CPSF3: variants seen among roughly 807,000 people sequenced by gnomAD.
CPSF3 encodes cleavage and polyadenylation specific factor 3.
Under a neutral mutation model 84.1 loss-of-function variants are expected in CPSF3, and 57 were observed. The ratio of observed to expected loss-of-function variants is 0.68; its 90% CI spans 0.55 to 0.85. The LOEUF (loss-of-function observed/expected upper bound fraction) is 0.85. CPSF3 is among the 40% of genes least tolerant of loss of function. The pLI, the probability that CPSF3 is intolerant of heterozygous loss-of-function variation, is 0.00. For synonymous variants in CPSF3, 275 were observed against 278.1 expected (o/e 0.99, Z 0.11); for missense variants, 522 against 838.8 (o/e 0.62, Z 4.66).
chr2:9,467,612 T>C (rs1682020338), intron 15 of CPSF3, 95 bp from the exon 16 acceptor site: 2 of 858,082 alleles, frequency 2.3e-6, no homozygotes, highest in Admixed American at 2.4e-5. Flanking sequence ...TTATTCACTT[T>C]AACTTATCAG....
At chr2:9,437,611 T>C (rs1246713931) in intron 7 of CPSF3, among the ~76,000 whole-genome samples, 1 of 152,226 alleles carries the variant, frequency 6.6e-6, no homozygotes, top group African/African-American at 2.4e-5. Context: ...TGGTTGTTAC[T>C]TTTTAGCATA....
chr2:9,434,275 A>G (rs1225544680), intron 6 of CPSF3, among the ~76,000 whole-genome samples: 1 of 151,948 alleles, frequency 6.6e-6, no homozygotes, highest in African/African-American at 2.4e-5. Flanking sequence ...AGGCTGAGGC[A>G]CAAGAATCAC....
intron 8 of CPSF3, among the ~76,000 whole-genome samples, chr2:9,441,313 T>G (rs1680953727): frequency 6.6e-6 from 1 of 152,242 alleles, no homozygotes; most frequent in African/African-American, 2.4e-5. Context: ...CAGTTGTAAA[T>G]AGGCTTTGTT....
At chr2:9,459,074 T>C (rs1246372217) in intron 14 of CPSF3, among the ~76,000 whole-genome samples, 1 of 151,566 alleles carries the variant, frequency 6.6e-6, no homozygotes, top group Non-Finnish European at 1.5e-5. Flanking sequence ...ATCACGCCAT[T>C]GCACTCCAGC....
chr2:9,443,780 C>T, intron 10 of CPSF3, 119 bp downstream of exon 10: 2 of 1,067,474 alleles, frequency 1.9e-6, no homozygotes, highest in Non-Finnish European at 2.7e-6. Flanking sequence ...ACCCCCTGAG[C>T]AGAGCCTTTC....
intron 14 of CPSF3, 118 bp downstream of exon 14, chr2:9,457,145 ATATGTGTGTGTGTGTGTGTGTGTG>A: frequency 2.1e-6 from 1 of 475,234 alleles, no homozygotes; most frequent in Non-Finnish European, 3.7e-6. Context: ...GTTGGAAAGT[ATATGTGTGTGTGTGTGTGTGTGTG>A]TGTGTGTGTG....
intron 17 of CPSF3, among the ~76,000 whole-genome samples, 200 bp from the exon 18 acceptor site, chr2:9,472,716 C>T (rs1245030182): frequency 1.3e-5 from 2 of 152,066 alleles, no homozygotes; most frequent in Non-Finnish European, 2.9e-5. Flanking sequence ...TGCAGTGGTG[C>T]AGTCACAGCT....
intron 16 of CPSF3, among the ~76,000 whole-genome samples, chr2:9,470,310 C>G (rs924255318): frequency 6.6e-6 from 1 of 152,224 alleles, no homozygotes; most frequent in Non-Finnish European, 1.5e-5. Context: ...CAGTAACTGC[C>G]TGAAGATGCA....
intron 14 of CPSF3, among the ~76,000 whole-genome samples, chr2:9,457,702 G>T (rs1198825805): frequency 6.6e-6 from 1 of 152,012 alleles, no homozygotes; most frequent in African/African-American, 2.4e-5. Context: ...AGGTAGAATT[G>T]TATATAAATT....
chr2:9,448,129 TTC>T, intron 10 of CPSF3, 67 bp from the exon 11 acceptor site: 2 of 820,912 alleles, frequency 2.4e-6, no homozygotes, highest in Non-Finnish European at 3.6e-6. Flanking sequence ...ATATATTTAA[TTC>T]AACTTAAGGA....
At chr2:9,456,078 A>G (rs546869688) in intron 13 of CPSF3, among the ~76,000 whole-genome samples, 29 of 152,210 alleles carry the variant, frequency 1.9e-4, no homozygotes, top group Non-Finnish European at 3.4e-4. Flanking sequence ...TTTGAAATCT[A>G]TTTTCCTTGA....
chr2:9,465,544 C>CAA (rs1681872339), intron 15 of CPSF3, among the ~76,000 whole-genome samples: 1 of 115,760 alleles, frequency 8.6e-6, no homozygotes, highest in South Asian at 2.5e-4. Flanking sequence ...CCATATCATA[C>CAA]ACACACACAC....
intron 1 of CPSF3, among the ~76,000 whole-genome samples, chr2:9,427,985 T>TA (rs1305907164): frequency 1.7e-4 from 25 of 149,706 alleles, no homozygotes; most frequent in African/African-American, 3.0e-4. Context: ...ATAAGTATTT[T>TA]AAAAAAAAAA....
chr2:9,425,269 A>C (rs1184090279), intron 1 of CPSF3, among the ~76,000 whole-genome samples: 1 of 152,242 alleles, frequency 6.6e-6, no homozygotes, highest in Non-Finnish European at 1.5e-5. Context: ...GTTGAGGTCC[A>C]GTTTAGGAAG....
intron 14 of CPSF3, among the ~76,000 whole-genome samples, chr2:9,458,875 G>T: frequency 6.6e-6 from 1 of 152,156 alleles, no homozygotes; most frequent in East Asian, 1.9e-4. Context: ...CACTTTGGGA[G>T]GCCGAGGTGG....
rs550955701 is a variant in CPSF3 at position 9,441,937 on chromosome 2, C to T, written c.1056C>T (p.Val352=). The T allele has an allele frequency of 3.5e-5, 56 of 1,614,100 alleles. 1 individual carries two copies. In the South Asian group the frequency reaches 5.4e-4, roughly 16 times the overall value. Reference sequence around the variant, plus strand: ...GGTGTACTGATAAGAGGAATGGTGTCATTATAGCGGGATACTGTGTAGAAG... The same window carrying T: ...GGTGTACTGATAAGAGGAATGGTGTTATTATAGCGGGATACTGTGTAGAAG... ...ESWCTDKRNG[V]IIAGYCVEGT... is the part of the protein sequence containing the mutation. Residue 352 remains valine, a synonymous_variant, in exon 9 of 18, where the codon GTC becomes GTT. Transcript: ENST00000238112.
Position 9,462,119 on chromosome 2 carries a change from G to A in CPSF3, c.1786+2501G>A, listed in dbSNP as rs181614661. On this transcript the variant is annotated intron_variant, in intron 15 of 17. Coordinates refer to ENST00000238112, the MANE Select transcript of CPSF3 (RefSeq NM_016207.4). ...TGGTACAGAAGTTAGGAACGGTGAC[G>A]TGGGGAAGAGGGTTAGGTGCGGAGA... Among the ~76,000 whole-genome samples the A allele has an allele frequency of 5.8e-4, 89 of 152,296 alleles. No homozygotes were observed. In the East Asian group the frequency reaches 0.013, roughly 22 times the overall value.
chr2:9,450,176 G>A (rs1362791463), intron 11 of CPSF3, among the ~76,000 whole-genome samples: 1 of 147,282 alleles, frequency 6.8e-6, no homozygotes, highest in Non-Finnish European at 1.5e-5. Flanking sequence ...TTTTTAGAAG[G>A]AGTCTTGCTC....
chr2:9,464,833 C>T (rs1272131959), intron 15 of CPSF3, among the ~76,000 whole-genome samples: 1 of 152,070 alleles, frequency 6.6e-6, no homozygotes, highest in Non-Finnish European at 1.5e-5. Context: ...CTCAAGAGAT[C>T]TGCCCACCTT....
Sources: gnomAD v4.1 joint callset for allele counts (sites outside exome capture counted in the v4.1 genomes callset) on GRCh38, gnomAD v4.1.1 for gene constraint, MANE v1.5 for transcripts, NCBI Gene and HGNC (gene_info 2026-07-23, HGNC 2026-07-21) for gene names.